FSIP1: variants seen among roughly 807,000 people sequenced by gnomAD.
FSIP1 encodes the protein fibrous sheath interacting protein 1.
A neutral mutation model predicts 60.9 loss-of-function variants in FSIP1; 65 were observed. The observed-to-expected ratio is 1.07, with a 90% confidence interval of 0.87 to 1.31. The LOEUF is 1.31. Ranked by LOEUF, FSIP1 falls within the 40% of genes most tolerant of loss-of-function variation. FSIP1 has a pLI of 0.00. For synonymous variants in FSIP1, 209 were observed against 221.2 expected (o/e 0.94, Z 0.49); for missense variants, 675 against 665.5 (o/e 1.01, Z -0.16).
intron 8 of FSIP1, among the ~76,000 whole-genome samples, chr15:39,732,563 G>A (rs141477001): frequency 0.01 from 1,503 of 143,344 alleles, 25 homozygotes; most frequent in African/African-American, 0.038. Flanking sequence ...GGCTTGCAGT[G>A]AGCCAAGATC....
intron 10 of FSIP1, among the ~76,000 whole-genome samples, chr15:39,661,817 ACT>A (rs1893307293): frequency 1.3e-5 from 2 of 152,124 alleles, no homozygotes; most frequent in South Asian, 4.1e-4. Flanking sequence ...GCTGGAAGTC[ACT>A]CTTTTTTTCC....
At chr15:39,675,771 T>C (rs1893912427) in intron 10 of FSIP1, among the ~76,000 whole-genome samples, 1 of 152,184 alleles carries the variant, frequency 6.6e-6, no homozygotes, top group African/African-American at 2.4e-5. Context: ...CCTTCACTTA[T>C]TTCATGTGAT....
chr15:39,724,149 A>G (rs1896094189), intron 9 of FSIP1, among the ~76,000 whole-genome samples: 1 of 152,240 alleles, frequency 6.6e-6, no homozygotes, highest in African/African-American at 2.4e-5. Flanking sequence ...AATGTAAGGT[A>G]CTGGTTTTCC....
chr15:39,749,711 A>AG (rs886306037), intron 5 of FSIP1, among the ~76,000 whole-genome samples: 6 of 152,054 alleles, frequency 3.9e-5, no homozygotes, highest in Admixed American at 1.3e-4. Flanking sequence ...ATCATAACCA[A>AG]GGGGGAAAAA....
chr15:39,747,343 T>C (rs1457241624), intron 5 of FSIP1: 2 of 152,252 alleles, frequency 1.3e-5, no homozygotes, highest in Non-Finnish European at 2.9e-5. Flanking sequence ...TAATATAATC[T>C]GGACTTTTAG....
At chr15:39,689,460 C>A (rs945929511) in intron 10 of FSIP1, among the ~76,000 whole-genome samples, 7 of 152,056 alleles carry the variant, frequency 4.6e-5, no homozygotes, top group African/African-American at 1.7e-4. Context: ...TTCCAGTGAC[C>A]AGCCTTCATC....
In FSIP1 at chr15:39,734,217, G is replaced by T. The variant is rs370912521; in HGVS notation, c.891+3874C>A. Among the ~76,000 whole-genome samples the T allele has an allele frequency of 9.9e-5, 15 of 152,124 alleles. No individual in the cohort carries two copies. In the East Asian group the frequency reaches 1.9e-3, roughly 20 times the overall value. On this transcript the variant is annotated intron_variant, in intron 8 of 11. Coordinates refer to ENST00000350221, the MANE Select transcript of FSIP1 (RefSeq NM_152597.5). ...ATCTGCTAAGCTAACATTCAAATGAGGAAAAAATAAATATTTGAATACACA... is the reference window on the plus strand; with the variant it reads ...ATCTGCTAAGCTAACATTCAAATGATGAAAAAATAAATATTTGAATACACA...
At chr15:39,710,092 C>A (rs941799139) in intron 10 of FSIP1, among the ~76,000 whole-genome samples, 2 of 152,216 alleles carry the variant, frequency 1.3e-5, no homozygotes, top group African/African-American at 4.8e-5. Context: ...TTGAAACACA[C>A]AGTATCTTCC....
At position 39,617,777 on chromosome 15, in the gene FSIP1, C is replaced by T; in HGVS notation, c.1657G>A (p.Asp553Asn). The T allele has an allele frequency of 1.2e-6, 2 of 1,613,978 alleles. No homozygotes were observed. The highest frequency in any genetic ancestry group is 1.7e-6 in the Non-Finnish European group (2 of 1,179,926). The change falls in exon 11 of 12, where the codon GAC (aspartate) becomes AAC (asparagine). Residue 553 changes from aspartate to asparagine, a missense_variant. Coordinates refer to ENST00000350221, the MANE Select transcript of FSIP1 (RefSeq NM_152597.5). Reference protein sequence around the residue: ...YGISVSLSSEDQHLKLSSPEN... With the variant: ...YGISVSLSSENQHLKLSSPEN... Reference sequence around the variant, plus strand: ...GGAGAACTGAGTTTCAGATGTTGGTCTTCTGATGAAAGGCTCACACTGATA... The same window carrying T: ...GGAGAACTGAGTTTCAGATGTTGGTTTTCTGATGAAAGGCTCACACTGATA...
chr15:39,776,097 C>G (rs1206042318), intron 2 of FSIP1, among the ~76,000 whole-genome samples: 1 of 145,196 alleles, frequency 6.9e-6, no homozygotes, highest in Non-Finnish European at 1.5e-5. Flanking sequence ...ATAAACCACA[C>G]TCCAAAAAAA....
At chr15:39,681,355 TG>T (rs1396868240) in intron 10 of FSIP1, among the ~76,000 whole-genome samples, 3 of 152,186 alleles carry the variant, frequency 2.0e-5, no homozygotes, top group Non-Finnish European at 2.9e-5. Context: ...CTACATTATA[TG>T]TTTTTATAAG....
At chr15:39,683,263 A>G (rs1894235424) in intron 10 of FSIP1, among the ~76,000 whole-genome samples, 1 of 152,216 alleles carries the variant, frequency 6.6e-6, no homozygotes. Flanking sequence ...TGTCATGGGA[A>G]TGCAAGACTG....
At position 39,605,773 on chromosome 15, in the gene FSIP1, G is replaced by C. The variant is rs114947615; in HGVS notation, c.1700-4847C>G. ...CTCCTGACAATGTTCAATGTTAAACGCCATGTAAGCCAACCAAGTCCAGTC... is the reference window on the plus strand; with the variant it reads ...CTCCTGACAATGTTCAATGTTAAACCCCATGTAAGCCAACCAAGTCCAGTC... On this transcript the variant is annotated intron_variant, in intron 11 of 11. Transcript: ENST00000350221. 9.3e-3 allele frequency among the ~76,000 whole-genome samples: 1,421 copies of C among 152,274 alleles called. 25 individuals are homozygous for C. The highest frequency in any genetic ancestry group is 0.033 in the African/African-American group (1,359 of 41,536).
chr15:39,747,179 A>C (rs1010682631), intron 5 of FSIP1: 7 of 152,106 alleles, frequency 4.6e-5, no homozygotes, highest in Non-Finnish European at 8.8e-5. Flanking sequence ...GAAAGTTTGC[A>C]CTTTAATTTG....
intron 10 of FSIP1, among the ~76,000 whole-genome samples, chr15:39,699,520 A>G (rs202131005): frequency 6.6e-6 from 1 of 152,368 alleles, no homozygotes; most frequent in East Asian, 1.9e-4. Flanking sequence ...GTAAAAGTAT[A>G]ATCAACCTGC....
intron 10 of FSIP1, among the ~76,000 whole-genome samples, chr15:39,696,890 G>C (rs949595179): frequency 1.0e-4 from 3 of 28,762 alleles, no homozygotes; most frequent in East Asian, 1.7e-3. Context: ...GTGTGTGTGT[G>C]TGTGTGTGTG....
chr15:39,748,695 A>T (rs1373749836), intron 5 of FSIP1, among the ~76,000 whole-genome samples: 1 of 152,210 alleles, frequency 6.6e-6, no homozygotes, highest in East Asian at 1.9e-4. Context: ...TTACAGCAAT[A>T]AATGCCTACA....
rs983666072 is a variant in FSIP1, at chr15:39,739,192, G to A, written c.780+473C>T. On this transcript the variant is annotated intron_variant, in intron 7 of 11. Transcript: ENST00000350221. ...AAGGCCAGTGACCAGCTGCTGGGAC[G>A]TCCAGAGAAGAGGCGGACAACCAGT... Among the ~76,000 whole-genome samples, 4 of 152,188 alleles carry A rather than the reference G, an allele frequency of 2.6e-5. No homozygotes were observed. In the East Asian group the frequency reaches 5.8e-4, roughly 22 times the overall value.
chr15:39,671,844 A>T (rs1204392088), intron 10 of FSIP1, among the ~76,000 whole-genome samples: 1 of 152,226 alleles, frequency 6.6e-6, no homozygotes, highest in Non-Finnish European at 1.5e-5. Context: ...CATTCTCATC[A>T]TTAAATCATT....
Sources: allele counts gnomAD v4.1 joint callset (sites outside exome capture counted in the v4.1 genomes callset), GRCh38; gene constraint gnomAD v4.1.1; transcripts MANE v1.5; gene names NCBI Gene and HGNC (gene_info 2026-07-23, HGNC 2026-07-21).